The following STMP1 variants were observed in gnomAD, a reference collection of about 807,000 sequenced individuals.
STMP1 encodes mitolamban.
Under a neutral mutation model 7.0 loss-of-function variants are expected in STMP1, and 7 were observed. The observed-to-expected ratio is 1.01, with a 90% CI of 0.57 to 1.89. STMP1 has a LOEUF of 1.89. Ranked by LOEUF, STMP1 falls within the 40% of genes most tolerant of loss-of-function variation. STMP1 has a pLI of 0.00. For synonymous variants in STMP1, 19 were observed against 18.4 expected (o/e 1.03, Z -0.08); for missense variants, 45 against 53.0 (o/e 0.85, Z 0.47).
intron 1 of STMP1, among the ~76,000 whole-genome samples, chr7:135,671,796 T>A (rs1208663558): frequency 6.6e-6 from 1 of 152,196 alleles, no homozygotes; most frequent in Non-Finnish European, 1.5e-5. Flanking sequence ...TCTTCTTTTC[T>A]GTAATCACAT....
rs1795407734 is a variant in STMP1, at chr7:135,675,856, G to A, written c.*1691G>A. On this transcript the variant is annotated 3_prime_UTR_variant, in exon 3 of 3. Transcript: ENST00000507606. ...TTTTATTCCTGTCAATGTTGTCTTT[G>A]TGTGTGACAGATTAGGATTAAATTA... 1 of 151,544 alleles carries A rather than the reference G, an allele frequency of 6.6e-6. No individual in the cohort carries two copies. The highest frequency in any genetic ancestry group is 1.5e-5 in the Non-Finnish European group (1 of 67,948). The allele number at this position is 151,544 out of a possible 1,614,324, so 9.4% of individuals were successfully genotyped here.
chr7:135,665,465 A>G (rs1011293081), intron 1 of STMP1: 7 of 151,994 alleles, frequency 4.6e-5, no homozygotes, highest in Non-Finnish European at 8.8e-5. Flanking sequence ...TACTATTTTT[A>G]ATAGTGGAGA....
chr7:135,667,052 G>A (rs936148624), intron 1 of STMP1, among the ~76,000 whole-genome samples: 1 of 152,128 alleles, frequency 6.6e-6, no homozygotes, highest in South Asian at 2.1e-4. Flanking sequence ...TATTGTTTTT[G>A]TTAAAGTAAT....
At chr7:135,663,847 C>T (rs1795263213) in intron 1 of STMP1, among the ~76,000 whole-genome samples, 2 of 151,952 alleles carry the variant, frequency 1.3e-5, no homozygotes, top group Non-Finnish European at 2.9e-5. Context: ...GGTTTCACCC[C>T]GTTGGCCGGG....
At chr7:135,665,180 G>T (rs750610111) in intron 1 of STMP1, among the ~76,000 whole-genome samples, 9 of 152,194 alleles carry the variant, frequency 5.9e-5, no homozygotes, top group Non-Finnish European at 1.3e-4. Context: ...TCTCAGAAGG[G>T]TAGGTGATAG....
In STMP1 at chr7:135,674,168, C is replaced by T. The variant is rs1795385712; in HGVS notation, c.*3C>T. ...AGAAGAAACCCCCTAGTGCATGAGACTGCCTCCAGCACTGCCTTCAGGATA... is the reference window on the plus strand; with the variant it reads ...AGAAGAAACCCCCTAGTGCATGAGATTGCCTCCAGCACTGCCTTCAGGATA... On this transcript the variant is annotated 3_prime_UTR_variant, in exon 3 of 3. Transcript: ENST00000507606. 1 of 1,545,608 alleles carries T rather than the reference C, an allele frequency of 6.5e-7. No individual in the cohort carries two copies. Among genetic ancestry groups the T allele is most frequent in the Non-Finnish European group, 8.7e-7 (1 of 1,144,526 alleles).
chr7:135,669,747 G>A (rs1468904824), intron 1 of STMP1, among the ~76,000 whole-genome samples: 1 of 152,164 alleles, frequency 6.6e-6, no homozygotes, highest in Non-Finnish European at 1.5e-5. Context: ...GAGGTCTAAG[G>A]CAGGATCCTA....
chr7:135,674,277 T>C lies in STMP1; in HGVS notation c.*112T>C. 1.2e-6 allele frequency: 1 copy of C among 840,234 alleles called. No individual in the cohort carries two copies. The highest frequency in any genetic ancestry group is 1.8e-6 in the Non-Finnish European group (1 of 544,168). 52.0% of individuals were successfully genotyped at this position (840,234 alleles called of 1,614,324 possible). On this transcript the variant is annotated 3_prime_UTR_variant, in exon 3 of 3. Coordinates refer to ENST00000507606, the MANE Select transcript of STMP1 (RefSeq NM_001130929.2). The stretch of plus-strand genomic sequence containing the variant: ...TCGTCTCCAGCCTCAGCACTTCTCT[T>C]CTTTGCTAGACCCTGTGTTTTTTGC...
At chr7:135,673,040 T>A (rs1245649419) in intron 2 of STMP1, 15 of 531,676 alleles carry the variant, frequency 2.8e-5, no homozygotes, top group Non-Finnish European at 5.0e-5. Context: ...GCTGGGCTCA[T>A]GATCATCCTC....
At chr7:135,667,317 T>G (rs1795305725) in intron 1 of STMP1, among the ~76,000 whole-genome samples, 1 of 152,182 alleles carries the variant, frequency 6.6e-6, no homozygotes, top group Non-Finnish European at 1.5e-5. Context: ...TTCAAGTGAT[T>G]TCTCCTGCCT....
chr7:135,667,534 G>GT (rs747147879), intron 1 of STMP1, among the ~76,000 whole-genome samples: 29 of 152,114 alleles, frequency 1.9e-4, no homozygotes, highest in Non-Finnish European at 3.5e-4. Context: ...TTTAAATTGA[G>GT]TTTTTTTGTG....
intron 1 of STMP1, among the ~76,000 whole-genome samples, chr7:135,671,292 G>A (rs543884759): frequency 1.1e-3 from 162 of 152,306 alleles, no homozygotes; most frequent in Non-Finnish European, 1.8e-3. Context: ...AGTTTAAAGT[G>A]TACTAAGGAC....
intron 1 of STMP1, among the ~76,000 whole-genome samples, chr7:135,668,778 C>T (rs764474414): frequency 1.3e-5 from 2 of 152,194 alleles, no homozygotes; most frequent in African/African-American, 2.4e-5. Context: ...TTCTTTAACT[C>T]AAATTCTCTT....
At chr7:135,663,168 C>CA (rs1441797907) in intron 1 of STMP1, among the ~76,000 whole-genome samples, 1 of 152,158 alleles carries the variant, frequency 6.6e-6, no homozygotes, top group African/African-American at 2.4e-5. Flanking sequence ...CATGAGTAAG[C>CA]AGACTATTTC....
chr7:135,667,289 C>T (rs1433990351), intron 1 of STMP1, among the ~76,000 whole-genome samples: 1 of 152,210 alleles, frequency 6.6e-6, no homozygotes, highest in African/African-American at 2.4e-5. Context: ...CGGCTCACTG[C>T]AACCTCTGCT....
At chr7:135,666,017 T>C (rs947104111) in intron 1 of STMP1, among the ~76,000 whole-genome samples, 20 of 151,606 alleles carry the variant, frequency 1.3e-4, no homozygotes, top group African/African-American at 4.6e-4. Context: ...TTCTCCTGCC[T>C]CAGCCTCCGG....
chr7:135,666,822 T>C (rs937301361), intron 1 of STMP1, among the ~76,000 whole-genome samples: 1 of 152,258 alleles, frequency 6.6e-6, no homozygotes, highest in African/African-American at 2.4e-5. Flanking sequence ...GTAATCCTGC[T>C]AGGAATATTT....
intron 2 of STMP1, 194 bp downstream of exon 2, chr7:135,673,000 A>G: frequency 1.7e-6 from 1 of 576,640 alleles, no homozygotes; most frequent in Non-Finnish European, 3.1e-6. Flanking sequence ...CCTCCATATC[A>G]CCACAAGAGG....
intron 1 of STMP1, among the ~76,000 whole-genome samples, chr7:135,667,465 G>T (rs1474781658): frequency 1.3e-5 from 2 of 152,264 alleles, no homozygotes; most frequent in South Asian, 2.1e-4. Flanking sequence ...CCCCAACCTT[G>T]GCCTCCCAAA....
Sources: gnomAD v4.1 joint callset for allele counts (sites outside exome capture counted in the v4.1 genomes callset) on GRCh38, gnomAD v4.1.1 for gene constraint, MANE v1.5 for transcripts, NCBI Gene and HGNC (gene_info 2026-07-23, HGNC 2026-07-21) for gene names.